The following ARHGEF10 variants were observed in gnomAD, a reference collection of about 807,000 sequenced individuals.
ARHGEF10 encodes Rho guanine nucleotide exchange factor (GEF) 10.
ARHGEF10 carries 140 observed loss-of-function variants against 147.4 expected under a neutral mutation model. The ratio of observed to expected loss-of-function variants is 0.95; its 90% CI spans 0.83 to 1.09. ARHGEF10 has a LOEUF of 1.09. Ranked by LOEUF, ARHGEF10 falls within the 50% of genes least tolerant of loss-of-function variation. The probability of loss-of-function intolerance (pLI) is 0.00; values close to 1 mark genes in which losing one functional copy is unlikely to be tolerated. For synonymous variants in ARHGEF10, 902 were observed against 695.8 expected (o/e 1.30, Z -4.67); for missense variants, 2,222 against 1,752.7 (o/e 1.27, Z -4.78).
At chr8:1,851,927 A>AG (rs898271099) in intron 2 of ARHGEF10, among the ~76,000 whole-genome samples, 8 of 147,670 alleles carry the variant, frequency 5.4e-5, no homozygotes, top group African/African-American at 2.0e-4. Context: ...AAAAAAAAAA[A>AG]TTAATAACCA....
intron 22 of ARHGEF10, among the ~76,000 whole-genome samples, chr8:1,926,055 C>G (rs560799452): frequency 7.2e-5 from 11 of 152,284 alleles, no homozygotes; most frequent in Non-Finnish European, 1.5e-5. Context: ...GAGGCACAGG[C>G]CATCACAGGC....
At chr8:1,916,179 T>C (rs1811748550) in intron 18 of ARHGEF10, among the ~76,000 whole-genome samples, 1 of 152,038 alleles carries the variant, frequency 6.6e-6, no homozygotes, top group Non-Finnish European at 1.5e-5. Context: ...GGACGGCCTG[T>C]GGACAGGGTC....
intron 2 of ARHGEF10, among the ~76,000 whole-genome samples, chr8:1,849,569 G>C (rs1044483624): frequency 6.7e-6 from 1 of 149,388 alleles, no homozygotes; most frequent in Non-Finnish European, 1.5e-5. Context: ...AAATGCTGAG[G>C]AGGGCGTGGG....
chr8:1,846,096 C>T (rs548072029), intron 2 of ARHGEF10, among the ~76,000 whole-genome samples: 3 of 152,336 alleles, frequency 2.0e-5, no homozygotes, highest in Middle Eastern at 3.4e-3. Flanking sequence ...CTCCACAGTT[C>T]GCCACTGTTA....
chr8:1,831,455 C>T (rs1379324092), intron 1 of ARHGEF10, among the ~76,000 whole-genome samples: 2 of 136,956 alleles, frequency 1.5e-5, no homozygotes, highest in Non-Finnish European at 1.6e-5. Context: ...GACAGTGTGA[C>T]GGCCGTGGAG....
At chr8:1,880,020 GA>G (rs766743165) in intron 8 of ARHGEF10, 27 bp from the exon 9 acceptor site, 2 of 1,515,144 alleles carry the variant, frequency 1.3e-6, no homozygotes, top group Middle Eastern at 1.7e-4. Context: ...GCCTTTTTGT[GA>G]AAAGACTGTG....
chr8:1,946,421 C>T (rs927101391), intron 27 of ARHGEF10, among the ~76,000 whole-genome samples: 2 of 152,204 alleles, frequency 1.3e-5, no homozygotes, highest in African/African-American at 4.8e-5. Context: ...GTTCTGGAGG[C>T]AGCATGCCGG....
At position 1,923,094 on chromosome 8, in the gene ARHGEF10, A is replaced by C; in HGVS notation, c.2259+15A>C. On this transcript the variant is annotated intron_variant, in intron 19 of 28. Transcript: ENST00000349830. ...GAAACTATCAGGTAACAATTGAAGCAATTGGATTTAAGATTCTGCCTTTAC... is the reference window on the plus strand; with the variant it reads ...GAAACTATCAGGTAACAATTGAAGCCATTGGATTTAAGATTCTGCCTTTAC... 2 of 1,545,854 alleles carry C rather than the reference A, an allele frequency of 1.3e-6. No individual in the cohort carries two copies. Among genetic ancestry groups the C allele is most frequent in the Non-Finnish European group, 1.8e-6 (2 of 1,119,600 alleles).
intron 18 of ARHGEF10, among the ~76,000 whole-genome samples, chr8:1,917,433 G>C (rs1041557011): frequency 1.3e-5 from 2 of 152,154 alleles, no homozygotes; most frequent in Admixed American, 6.5e-5. Context: ...TTGAACCCAG[G>C]CATGGAGGTT....
chr8:1,912,871 C>T (rs918690505), intron 18 of ARHGEF10, among the ~76,000 whole-genome samples: 10 of 152,258 alleles, frequency 6.6e-5, no homozygotes, highest in African/African-American at 1.7e-4. Flanking sequence ...GGACTGGTGG[C>T]GGGGAGGAGG....
At position 1,884,376 on chromosome 8, in the gene ARHGEF10, A is replaced by G. The variant is rs549810898; in HGVS notation, c.1076-1225A>G. Among the ~76,000 whole-genome samples, 22 of 148,194 alleles carry G rather than the reference A, an allele frequency of 1.5e-4. 1 individual carries two copies. In the South Asian group the frequency reaches 4.3e-3, roughly 29 times the overall value. Reference sequence around the variant, plus strand: ...GCGCCACTGCACTCCAGCCTGGGCGACAGAGCAAGAGTCCATCTCAAGAAA... The same window carrying G: ...GCGCCACTGCACTCCAGCCTGGGCGGCAGAGCAAGAGTCCATCTCAAGAAA... On this transcript the variant is annotated intron_variant, in intron 10 of 28. Transcript: ENST00000349830.
chr8:1,850,207 C>T (rs1380483827), intron 2 of ARHGEF10, among the ~76,000 whole-genome samples: 2 of 135,630 alleles, frequency 1.5e-5, no homozygotes, highest in African/African-American at 5.2e-5. Context: ...GCCACATGGG[C>T]ATGGATGGCA....
At chr8:1,918,987 T>C (rs759137177) in intron 18 of ARHGEF10, among the ~76,000 whole-genome samples, 5 of 150,942 alleles carry the variant, frequency 3.3e-5, no homozygotes, top group African/African-American at 4.9e-5. Flanking sequence ...CTGTGGGTGA[T>C]GGAGCTGTTC....
At chr8:1,943,807 AGGTATTACACGGCTGACTCTAGAATG>A (rs1814302107) in intron 26 of ARHGEF10, 2 of 152,100 alleles carry the variant, frequency 1.3e-5, no homozygotes, top group African/African-American at 4.8e-5. Context: ...ATATGGCGAG[AGGTATTACACGGCTGACTCTAGAATG>A]GGCATTTTAT....
intron 27 of ARHGEF10, 114 bp downstream of exon 27, chr8:1,945,769 C>A: frequency 6.9e-7 from 1 of 1,458,204 alleles, no homozygotes; most frequent in Middle Eastern, 1.7e-4. Flanking sequence ...CTGTTCACAA[C>A]ATGCTGCCAG....
At chr8:1,896,485 C>G (rs370187148) in intron 14 of ARHGEF10, 36 bp downstream of exon 14, 190 of 1,383,548 alleles carry the variant, frequency 1.4e-4, no homozygotes, top group Non-Finnish European at 1.8e-4. Context: ...GTTTTAACAC[C>G]ATCTGATAAC....
At chr8:1,923,975 A>G (rs1032929936) in intron 21 of ARHGEF10, 101 bp downstream of exon 21, 24 of 1,090,272 alleles carry the variant, frequency 2.2e-5, no homozygotes, top group Non-Finnish European at 3.3e-5. Context: ...TCAGCAGTAG[A>G]TCCATGCATT....
chr8:1,874,100 A>G (rs1052247845), intron 7 of ARHGEF10, among the ~76,000 whole-genome samples: 1 of 152,214 alleles, frequency 6.6e-6, no homozygotes, highest in African/African-American at 2.4e-5. Context: ...TTTAACGTTC[A>G]ATTTTAGAAC....
Position 1,925,041 on chromosome 8 carries a change from G to A in ARHGEF10, c.2489-242G>A, listed in dbSNP as rs539595628. Among the ~76,000 whole-genome samples, 6 of 152,290 alleles carry A rather than the reference G, an allele frequency of 3.9e-5. No individual in the cohort carries two copies. In the South Asian group the frequency reaches 8.3e-4, roughly 21 times the overall value. On this transcript the variant is annotated intron_variant, in intron 21 of 28. Coordinates refer to ENST00000349830, the MANE Select transcript of ARHGEF10 (RefSeq NM_014629.4). ...TTTGGGTCCAGCGTATTCAGGAGGC[G>A]CAAACAGGGAGAGGTCCCTGCCACT...
Sources: allele counts gnomAD v4.1 joint callset (sites outside exome capture counted in the v4.1 genomes callset), GRCh38; gene constraint gnomAD v4.1.1; transcripts MANE v1.5; gene names NCBI Gene and HGNC (gene_info 2026-07-23, HGNC 2026-07-21).